Variants in DIP2B observed in about 807,000 individuals in gnomAD.
DIP2B encodes the protein DIP2 acetate--CoA ligase B (putative).
In DIP2B, 76 loss-of-function variants were observed where a neutral mutation model predicts 198.0. The ratio of observed to expected loss-of-function variants is 0.38; its 90% CI spans 0.32 to 0.46. The LOEUF (loss-of-function observed/expected upper bound fraction) is 0.46. Among genes scored for constraint, DIP2B ranks in the 20% least tolerant of loss-of-function variants. The pLI is 0.99. For missense variants in DIP2B, 1,559 were observed against 1,978.4 expected (o/e 0.79, Z 4.02); for synonymous variants, 701 against 739.1 (o/e 0.95, Z 0.84).
At position 50,727,700 on chromosome 12, in the gene DIP2B, C is replaced by A; in HGVS notation, c.3401-3C>A. On this transcript the variant is annotated splice_region_variant and splice_polypyrimidine_tract_variant and intron_variant, in intron 28 of 37. Coordinates refer to ENST00000301180, the MANE Select transcript of DIP2B (RefSeq NM_173602.3). ...GACATCAGGTTTTTTCTTTTCATGG[C>A]AGATGATTTACCCAGGAAAAGGTTA... 2 of 1,612,414 alleles carry A rather than the reference C, an allele frequency of 1.2e-6. No individual in the cohort carries two copies. Among genetic ancestry groups the A allele is most frequent in the Non-Finnish European group, 8.5e-7 (1 of 1,178,630 alleles).
intron 19 of DIP2B, among the ~76,000 whole-genome samples, chr12:50,702,247 GAC>G (rs1038236824): frequency 2.4e-4 from 37 of 152,268 alleles, no homozygotes; most frequent in African/African-American, 8.4e-4. Context: ...TCGGGAGGCT[GAC>G]ACAGGAGAAC....
intron 37 of DIP2B, among the ~76,000 whole-genome samples, chr12:50,744,369 C>T (rs928315316): frequency 7.9e-5 from 12 of 151,552 alleles, no homozygotes; most frequent in African/African-American, 2.9e-4. Flanking sequence ...TTCACAGGGG[C>T]AAGATGTCTC....
intron 1 of DIP2B, among the ~76,000 whole-genome samples, chr12:50,511,534 C>T (rs1958016933): frequency 6.6e-6 from 1 of 151,828 alleles, no homozygotes; most frequent in Admixed American, 6.6e-5. Flanking sequence ...CTCAAATGAT[C>T]CACCTGCCTT....
intron 4 of DIP2B, 58 bp from the exon 5 acceptor site, chr12:50,671,128 C>T (rs1203151545): frequency 3.9e-6 from 6 of 1,547,870 alleles, no homozygotes; most frequent in African/African-American, 1.4e-5. Flanking sequence ...TGAGCAAGAA[C>T]TGAAAAGTCT....
chr12:50,698,279 TC>T, intron 17 of DIP2B, 48 bp from the exon 18 acceptor site: 2 of 1,570,264 alleles, frequency 1.3e-6, no homozygotes, highest in Non-Finnish European at 1.7e-6. Context: ...TTTGTATTTT[TC>T]CCTTGATGTT....
rs767295582 is a variant in DIP2B, at chr12:50,660,202, A to G, written c.310A>G (p.Thr104Ala). 6.2e-7 allele frequency: 1 copy of G among 1,608,454 alleles called. No homozygotes were observed. Among genetic ancestry groups the G allele is most frequent in the Non-Finnish European group, 8.5e-7 (1 of 1,177,520 alleles). The change falls in exon 4 of 38, where the codon ACA (threonine) becomes GCA (alanine). Residue 104 changes from threonine (T) to alanine (A), a missense_variant. Thr to Ala is a moderately conservative substitution (Grantham distance 58). Transcript: ENST00000301180. ...AATGTTTGCTTTTTCAGATATCCAC[A>G]CAGAAGCAGTTCAGGCTGCACTGGC... ...RDERYRSDIH[T>A]EAVQAALAKH...
chr12:50,542,018 C>T (rs1254601303), intron 1 of DIP2B, among the ~76,000 whole-genome samples: 4 of 125,912 alleles, frequency 3.2e-5, no homozygotes, highest in African/African-American at 1.2e-4. Context: ...AGAGACCGGG[C>T]GCGGTGGCTC....
At chr12:50,743,443 T>TA (rs1176575283) in intron 37 of DIP2B, 1 of 152,158 alleles carries the variant, frequency 6.6e-6, no homozygotes, top group Non-Finnish European at 1.5e-5. Flanking sequence ...TCTAACCCAG[T>TA]AACACCACTC....
intron 1 of DIP2B, among the ~76,000 whole-genome samples, chr12:50,624,468 G>T (rs1179265339): frequency 6.6e-6 from 1 of 152,106 alleles, no homozygotes; most frequent in Admixed American, 6.6e-5. Context: ...GAGTAGCTGG[G>T]ATTACAGACA....
intron 1 of DIP2B, among the ~76,000 whole-genome samples, chr12:50,602,404 G>A (rs560315924): frequency 1.3e-5 from 2 of 152,192 alleles, no homozygotes; most frequent in African/African-American, 4.8e-5. Context: ...TAGTAGCTGG[G>A]AATACAGGCA....
intron 1 of DIP2B, among the ~76,000 whole-genome samples, chr12:50,624,632 C>T (rs1482105757): frequency 6.6e-6 from 1 of 152,090 alleles, no homozygotes; most frequent in Non-Finnish European, 1.5e-5. Flanking sequence ...GCACCTGGCC[C>T]CTATTTTCAA....
intron 26 of DIP2B, 68 bp downstream of exon 26, chr12:50,721,464 T>G: frequency 6.3e-7 from 1 of 1,593,716 alleles, no homozygotes; most frequent in East Asian, 2.2e-5. Flanking sequence ...TATAAAAGGA[T>G]AGGCACTCAG....
chr12:50,703,929 T>TTA (rs955138810), intron 19 of DIP2B, among the ~76,000 whole-genome samples: 3 of 150,272 alleles, frequency 2.0e-5, no homozygotes, highest in African/African-American at 7.3e-5. Flanking sequence ...TTTATATGTT[T>TTA]TATATATATA....
chr12:50,595,890 C>G (rs1048750380), intron 1 of DIP2B, among the ~76,000 whole-genome samples: 1 of 152,222 alleles, frequency 6.6e-6, no homozygotes, highest in Non-Finnish European at 1.5e-5. Context: ...GTCTCCTCCT[C>G]CACTCTCAGT....
intron 1 of DIP2B, among the ~76,000 whole-genome samples, chr12:50,559,892 T>A (rs1235697065): frequency 2.6e-5 from 4 of 152,182 alleles, no homozygotes; most frequent in African/African-American, 9.7e-5. Flanking sequence ...ATACAACCGT[T>A]GTTCTTGTGT....
chr12:50,739,472 C>G lies in DIP2B; in HGVS notation c.4240C>G (p.Gln1414Glu), dbSNP rs779849395. Residue 1414 changes from glutamine (Q) to glutamate (E), a missense_variant, in exon 36 of 38, where the codon CAA becomes GAA. Coordinates refer to ENST00000301180, the MANE Select transcript of DIP2B (RefSeq NM_173602.3). ...YYTIYDSETLQADHFNTRLSF... is the reference protein window; with the variant it reads ...YYTIYDSETLEADHFNTRLSF... ...CACCATCTATGATAGCGAGACTCTTCAAGCTGATCATTTCAACACTCGCCT... is the reference window on the plus strand; with the variant it reads ...CACCATCTATGATAGCGAGACTCTTGAAGCTGATCATTTCAACACTCGCCT... 1.9e-6 allele frequency: 3 copies of G among 1,614,216 alleles called. No homozygotes were observed. The highest frequency in any genetic ancestry group is 2.5e-6 in the Non-Finnish European group (3 of 1,180,030).
intron 12 of DIP2B, among the ~76,000 whole-genome samples, chr12:50,688,195 A>G (rs1421555692): frequency 1.3e-5 from 2 of 152,078 alleles, no homozygotes; most frequent in Admixed American, 1.3e-4. Context: ...GGCTGGATGC[A>G]ATGGTTCACA....
intron 8 of DIP2B, chr12:50,679,428 A>G (rs1939000559): frequency 6.4e-6 from 1 of 156,356 alleles, no homozygotes; most frequent in Non-Finnish European, 1.4e-5. Context: ...CAAGTGGAGC[A>G]CAGTGTCCAT....
intron 1 of DIP2B, among the ~76,000 whole-genome samples, chr12:50,564,176 G>T (rs1958544207): frequency 6.6e-6 from 1 of 151,904 alleles, no homozygotes; most frequent in Non-Finnish European, 1.5e-5. Context: ...GTATTCTCTT[G>T]GTACTATTTA....
Sources: gnomAD v4.1 joint callset for allele counts (sites outside exome capture counted in the v4.1 genomes callset) on GRCh38, gnomAD v4.1.1 for gene constraint, MANE v1.5 for transcripts, NCBI Gene and HGNC (gene_info 2026-07-23, HGNC 2026-07-21) for gene names.